RPH3AL: variants seen among roughly 807,000 people sequenced by gnomAD.
The protein encoded by RPH3AL is rabphilin 3A like (without C2 domains), also known as rab effector Noc2.
A neutral mutation model predicts 43.1 loss-of-function variants in RPH3AL; 38 were observed. The observed-to-expected ratio is 0.88, with a 90% CI of 0.68 to 1.15. The LOEUF is 1.15. RPH3AL is among the 50% of genes most tolerant of loss of function. RPH3AL has a pLI of 0.00. For synonymous variants in RPH3AL, 189 were observed against 176.3 expected (o/e 1.07, Z -0.57); for missense variants, 462 against 423.2 (o/e 1.09, Z -0.81).
intron 7 of RPH3AL, among the ~76,000 whole-genome samples, chr17:232,977 G>A (rs1198669736): frequency 1.3e-5 from 2 of 152,012 alleles, no homozygotes; most frequent in Admixed American, 6.6e-5. Flanking sequence ...AATGAACAGA[G>A]ATGGGGAAGG....
chr17:276,089 G>A (rs2042648601), intron 6 of RPH3AL, among the ~76,000 whole-genome samples: 1 of 152,184 alleles, frequency 6.6e-6, no homozygotes, highest in African/African-American at 2.4e-5. Context: ...TTGGTACAGA[G>A]GAAATCGGGG....
chr17:216,697 A>G (rs1222768202), intron 8 of RPH3AL, among the ~76,000 whole-genome samples: 2 of 152,118 alleles, frequency 1.3e-5, no homozygotes, highest in African/African-American at 4.8e-5. Context: ...CTTCAGCCTG[A>G]TGGAGCCTGG....
At position 225,862 on chromosome 17, in the gene RPH3AL, A is replaced by G. The variant is rs1301484762; in HGVS notation, c.614-6126T>C. ...GGCAGATGTCAAAGGACTCAGAAGGAGACGATGGGATGGGATGTCCCAGGA... is the reference window on the plus strand; with the variant it reads ...GGCAGATGTCAAAGGACTCAGAAGGGGACGATGGGATGGGATGTCCCAGGA... On this transcript the variant is annotated intron_variant, in intron 7 of 9. Coordinates refer to ENST00000331302, the MANE Select transcript of RPH3AL (RefSeq NM_006987.4). The surrounding 1 kb of genome is among the most constrained non-coding windows in gnomAD (Gnocchi z 4.4). 6.6e-6 allele frequency among the ~76,000 whole-genome samples: 1 copy of G among 152,194 alleles called. No individual in the cohort carries two copies. Among genetic ancestry groups the G allele is most frequent in the Non-Finnish European group, 1.5e-5 (1 of 68,024 alleles).
intron 5 of RPH3AL, among the ~76,000 whole-genome samples, chr17:288,939 C>A (rs28705960): frequency 0.057 from 7,514 of 132,268 alleles, 488 homozygotes; most frequent in Non-Finnish European, 0.072. Context: ...GGCCGTCAGA[C>A]CTCGCACCCT....
chr17:224,002 A>T (rs1420815478), intron 7 of RPH3AL, among the ~76,000 whole-genome samples: 1 of 152,226 alleles, frequency 6.6e-6, no homozygotes, highest in Non-Finnish European at 1.5e-5. Flanking sequence ...TAGGTGCTTC[A>T]TGAAGGTCAG....
chr17:236,134 A>C (rs11655874), intron 7 of RPH3AL, among the ~76,000 whole-genome samples: 1 of 151,994 alleles, frequency 6.6e-6, no homozygotes, highest in African/African-American at 2.4e-5. Flanking sequence ...CCCTGCTCCC[A>C]ACCTGGGCTT....
At position 272,978 on chromosome 17, in the gene RPH3AL, CAAGG is replaced by C. The variant is rs1567604403; in HGVS notation, c.438+8786_438+8789del. On this transcript the variant is annotated intron_variant, in intron 6 of 9. Transcript: ENST00000331302. ...GGGCTACGTCAGGGTGAGACCCCAG[CAAGG>C]GCTACGTCAGGGTGAGACCCCAGCG... 4.9e-5 allele frequency among the ~76,000 whole-genome samples: 5 copies of C among 101,996 alleles called. 1 individual carries two copies. The highest frequency in any genetic ancestry group is 1.5e-4 in the African/African-American group (5 of 34,378). 66.9% of individuals were successfully genotyped at this position (101,996 alleles called of 152,430 possible).
chr17:317,130 C>T (rs543943737), intron 5 of RPH3AL, among the ~76,000 whole-genome samples: 20 of 150,430 alleles, frequency 1.3e-4, no homozygotes, highest in East Asian at 6.0e-4. Context: ...CCTCCACTGA[C>T]GTGTAGTCCC....
rs187303369 is a variant in RPH3AL at position 290,878 on chromosome 17, G to A, written c.352-9024C>T. ...GGACGGGCCGGGACAGCTTCACAGC[G>A]TCACCATCCATGGCACAGAGAGGGC... On this transcript the variant is annotated intron_variant, in intron 5 of 9. Coordinates refer to ENST00000331302, the MANE Select transcript of RPH3AL (RefSeq NM_006987.4). The surrounding 1 kb of genome is among the most constrained non-coding windows in gnomAD (Gnocchi z 4.2). Among the ~76,000 whole-genome samples, 70 of 152,246 alleles carry A rather than the reference G, an allele frequency of 4.6e-4. No homozygotes were observed. Among genetic ancestry groups the A allele is most frequent in the Middle Eastern group, 3.4e-3 (1 of 294 alleles).
rs180837575 is a variant in RPH3AL, at chr17:346,443, G to C, written c.-213+6269C>G. Among the ~76,000 whole-genome samples, 99 of 135,142 alleles carry C rather than the reference G, an allele frequency of 7.3e-4. 21 individuals carry two copies. The highest frequency in any genetic ancestry group is 1.5e-3 in the Non-Finnish European group (91 of 59,356). The allele number at this position is 135,142 out of a possible 152,430, so 88.7% of individuals were successfully genotyped here. On this transcript the variant is annotated intron_variant, in intron 1 of 9. Transcript: ENST00000331302. ...TGGAAGGCAAGGAGGAGCAAGTCAC[G>C]TCTTACATAAACGGCAGCAGGCAAA...
In RPH3AL at chr17:215,610, C is replaced by A; in HGVS notation, c.876+44G>T. On this transcript the variant is annotated intron_variant, in intron 9 of 9. Coordinates refer to ENST00000331302, the MANE Select transcript of RPH3AL (RefSeq NM_006987.4). The surrounding 1 kb of genome is among the most constrained non-coding windows in gnomAD (Gnocchi z 4.1). ...GAGGAGTGAGTGAGAGAGGACACGG[C>A]CGCGGGGGCAGGAGAGGGGAGAAGG... 12 of 1,255,824 alleles carry A rather than the reference C, an allele frequency of 9.6e-6. No homozygotes were observed. Among genetic ancestry groups the A allele is most frequent in the Non-Finnish European group, 1.2e-5 (12 of 995,774 alleles). The allele number at this position is 1,255,824 out of a possible 1,614,324, so 77.8% of individuals were successfully genotyped here. A position where few individuals can be genotyped will look rare whatever the true frequency, so the allele number is the denominator to read the frequency against.
intron 5 of RPH3AL, among the ~76,000 whole-genome samples, chr17:286,050 TG>T (rs936130830): frequency 6.6e-6 from 1 of 152,034 alleles, no homozygotes; most frequent in South Asian, 2.1e-4. Flanking sequence ...CCGCCACTGC[TG>T]GGGGGGTGCT....
chr17:315,239 C>A (rs373951611), intron 5 of RPH3AL, among the ~76,000 whole-genome samples: 5 of 2,188 alleles, frequency 2.3e-3, no homozygotes, highest in East Asian at 0.023. Flanking sequence ...CACCTTCATT[C>A]ACCTGTAGTC....
At chr17:297,750 G>C (rs907207995) in intron 5 of RPH3AL, among the ~76,000 whole-genome samples, 1 of 152,184 alleles carries the variant, frequency 6.6e-6, no homozygotes, top group African/African-American at 2.4e-5. Context: ...AGCAGCCTCG[G>C]TCCTCTCTCC....
intron 6 of RPH3AL, among the ~76,000 whole-genome samples, chr17:272,670 T>C (rs1392906449): frequency 6.7e-6 from 1 of 149,068 alleles, no homozygotes; most frequent in Non-Finnish European, 1.5e-5. Context: ...GACGAGTTAA[T>C]GGGTGCAGCA....
In RPH3AL at chr17:213,924, C is replaced by CT; in HGVS notation, c.877-2dup. 6.2e-7 allele frequency: 1 copy of CT among 1,612,122 alleles called. No individual in the cohort carries two copies. Among genetic ancestry groups the CT allele is most frequent in the Non-Finnish European group, 8.5e-7 (1 of 1,179,086 alleles). On this transcript the variant is annotated splice_acceptor_variant, in intron 9 of 9. Transcript: ENST00000331302. LOFTEE classifies it high-confidence loss of function. ...GGGCTCGTCCAGGTGTGTCTTTTAC[C>CT]TTTGGATGAGAGAAAAGGCCACCAC... is the stretch of plus-strand genomic sequence containing the variant.
intron 6 of RPH3AL, among the ~76,000 whole-genome samples, chr17:250,498 C>T (rs1197273824): frequency 6.6e-6 from 1 of 150,380 alleles, no homozygotes; most frequent in Non-Finnish European, 1.5e-5. Context: ...GGGGCCTTTA[C>T]CAAGCTCCGT....
intron 7 of RPH3AL, among the ~76,000 whole-genome samples, chr17:229,631 C>T (rs763099396): frequency 6.6e-6 from 1 of 152,154 alleles, no homozygotes; most frequent in Non-Finnish European, 1.5e-5. Context: ...TGCTTGGTGG[C>T]CTCAGCCTGG....
intron 5 of RPH3AL, among the ~76,000 whole-genome samples, chr17:315,130 T>C (rs201694367): frequency 6.8e-6 from 1 of 146,572 alleles, no homozygotes; most frequent in Admixed American, 6.9e-5. Context: ...CTGTAGTCTC[T>C]GTGCTCCACC....
Sources: allele counts gnomAD v4.1 joint callset (sites outside exome capture counted in the v4.1 genomes callset), GRCh38; gene constraint gnomAD v4.1.1; non-coding constraint Gnocchi (gnomAD v3.1); transcripts MANE v1.5; gene names NCBI Gene and HGNC (gene_info 2026-07-23, HGNC 2026-07-21).